Variants in GRIA3 observed in about 807,000 individuals in gnomAD.
The protein encoded by GRIA3 is glutamate ionotropic receptor AMPA type subunit 3.
In GRIA3, 3 loss-of-function variants were observed where a neutral mutation model predicts 63.0. The observed-to-expected ratio is 0.05, with a 90% CI of 0.02 to 0.12. The LOEUF (loss-of-function observed/expected upper bound fraction) is 0.12, where lower values mean the gene tolerates loss of function less well. Among genes scored for constraint, GRIA3 ranks in the 10% least tolerant of loss-of-function variants. GRIA3 has a pLI of 1.00. For missense variants in GRIA3, 347 were observed against 700.9 expected (o/e 0.50, Z 5.70); for synonymous variants, 274 against 257.9 (o/e 1.06, Z -0.60).
intron 3 of GRIA3, among the ~76,000 whole-genome samples, chrX:123,294,899 A>G (rs1189701355): frequency 8.9e-6 from 1 of 111,900 alleles, no homozygotes; most frequent in Admixed American, 9.5e-5. Context: ...TGCAGAAGGA[A>G]CTATGTATAT....
At chrX:123,209,558 GC>G (rs764065473) in intron 2 of GRIA3, among the ~76,000 whole-genome samples, 2 of 111,736 alleles carry the variant, frequency 1.8e-5, no homozygotes, top group African/African-American at 6.5e-5. Context: ...CAACTGAAAT[GC>G]CCACCTAAAC....
rs771993403 is a variant in GRIA3 at position 123,204,423 on chromosome X, G to A, written c.268+18433G>A. 12 of 1,160,288 alleles carry A rather than the reference G, an allele frequency of 1.0e-5. No homozygotes were observed. In the Admixed American group the frequency reaches 2.6e-4, roughly 25 times the overall value. ...AGGCGTTACAGGTGAACTGTAAGAT[G>A]AGAACAAGATCACAAGTCAGCACTA... On this transcript the variant is annotated intron_variant, in intron 2 of 15. Coordinates refer to ENST00000620443, the MANE Select transcript of GRIA3 (RefSeq NM_007325.5).
intron 3 of GRIA3, among the ~76,000 whole-genome samples, chrX:123,307,778 T>A (rs1033971202): frequency 9.0e-6 from 1 of 111,080 alleles, no homozygotes; most frequent in African/African-American, 3.3e-5. Flanking sequence ...GTAGTCTCGG[T>A]GCCAAGAATT....
At chrX:123,195,042 C>A (rs1250228765) in intron 2 of GRIA3, among the ~76,000 whole-genome samples, 2 of 113,081 alleles carry the variant, frequency 1.8e-5, no homozygotes, top group Non-Finnish European at 3.7e-5. Context: ...AATGCTTCTT[C>A]CTTTCTTTGC....
intron 12 of GRIA3, among the ~76,000 whole-genome samples, chrX:123,452,421 GCTT>G (rs1232870535): frequency 9.1e-6 from 1 of 109,330 alleles, no homozygotes; most frequent in Non-Finnish European, 1.9e-5. Context: ...CAAGCAAATT[GCTT>G]CTTCTTTTCT....
intron 3 of GRIA3, among the ~76,000 whole-genome samples, chrX:123,309,417 G>A (rs769510679): frequency 7.3e-5 from 8 of 109,945 alleles, no homozygotes; most frequent in Non-Finnish European, 1.3e-4. Context: ...CTTGTTTCTC[G>A]TTTCTCTCTA....
chrX:123,267,372 C>T (rs747195795), intron 3 of GRIA3, among the ~76,000 whole-genome samples: 1 of 111,853 alleles, frequency 8.9e-6, no homozygotes, highest in East Asian at 2.8e-4. Context: ...TATCTTGGTT[C>T]TGGGAACCTT....
chrX:123,315,667 C>T (rs942822252), intron 3 of GRIA3, among the ~76,000 whole-genome samples: 6 of 111,950 alleles, frequency 5.4e-5, no homozygotes, highest in African/African-American at 1.9e-4. Context: ...AGCTCATCAT[C>T]TTTCTCTTTC....
intron 12 of GRIA3, among the ~76,000 whole-genome samples, chrX:123,432,664 A>G (rs2045624569): frequency 9.0e-6 from 1 of 111,649 alleles, no homozygotes; most frequent in South Asian, 3.7e-4. Context: ...GAAAAATCCC[A>G]GAGAGATGTT....
chrX:123,358,390 A>C (rs1287478068), intron 5 of GRIA3: 1 of 112,245 alleles, frequency 8.9e-6, no homozygotes, highest in Non-Finnish European at 1.9e-5. Context: ...ATCTTTGTAC[A>C]TTTACATGGA....
intron 5 of GRIA3, among the ~76,000 whole-genome samples, chrX:123,361,858 T>C (rs1033685945): frequency 3.1e-4 from 34 of 110,718 alleles, no homozygotes; most frequent in African/African-American, 9.9e-4. Flanking sequence ...AACCAGTTTT[T>C]CCCCCCAAGA....
intron 3 of GRIA3, among the ~76,000 whole-genome samples, chrX:123,268,129 T>C (rs2044498825): frequency 9.0e-6 from 1 of 111,621 alleles, no homozygotes; most frequent in Admixed American, 9.5e-5. Context: ...CATCATAAGC[T>C]TAGTATTTTT....
At chrX:123,368,571 A>G (rs891745263) in intron 5 of GRIA3, among the ~76,000 whole-genome samples, 1 of 111,184 alleles carries the variant, frequency 9.0e-6, no homozygotes, top group Admixed American at 9.6e-5. Flanking sequence ...ATGGGGAACC[A>G]GGAGGCAATA....
At chrX:123,475,354 C>A (rs777679395) in intron 13 of GRIA3, among the ~76,000 whole-genome samples, 7 of 112,219 alleles carry the variant, frequency 6.2e-5, no homozygotes, top group African/African-American at 2.3e-4. Context: ...CAAATCATGT[C>A]ACTTGAAGAT....
At chrX:123,317,238 C>T (rs1395257559) in intron 3 of GRIA3, among the ~76,000 whole-genome samples, 3 of 111,234 alleles carry the variant, frequency 2.7e-5, no homozygotes, top group Non-Finnish European at 3.8e-5. Flanking sequence ...CTAGGAGATA[C>T]AATTTAAGTT....
In GRIA3 at chrX:123,483,015, G is replaced by A. The variant is rs2045919503; in HGVS notation, c.2656G>A (p.Val886Met). 3 of 1,204,005 alleles carry A rather than the reference G, an allele frequency of 2.5e-6. No homozygotes were observed. Among genetic ancestry groups the A allele is most frequent in the African/African-American group, 1.7e-5 (1 of 57,630 alleles). ...NYATYREGYN[V>M]YGTESVKI ...TGCTACATACAGAGAAGGCTACAACGTGTATGGAACAGAGAGTGTTAAGAT... is the reference window on the plus strand; with the variant it reads ...TGCTACATACAGAGAAGGCTACAACATGTATGGAACAGAGAGTGTTAAGAT... The change falls in exon 15 of 16, where the codon GTG becomes ATG. Residue 886 changes from valine to methionine, a missense_variant. Physicochemically the swap from Val to Met is conservative, Grantham distance 21. Around this residue, in one of 8 missense-constraint regions of GRIA3, gnomAD observed 29 missense variants for 46.7 expected, o/e 0.62. Transcript: ENST00000620443.
intron 5 of GRIA3, among the ~76,000 whole-genome samples, chrX:123,394,328 C>T (rs2045401926): frequency 9.0e-6 from 1 of 110,959 alleles, no homozygotes; most frequent in Admixed American, 9.5e-5. Flanking sequence ...GATCACACCA[C>T]TGCACTCCAG....
chrX:123,328,269 G>A (rs964719175), intron 4 of GRIA3, among the ~76,000 whole-genome samples: 12 of 111,530 alleles, frequency 1.1e-4, no homozygotes, highest in Non-Finnish European at 1.5e-4. Context: ...TTTAAAAAGC[G>A]TAAAATGCTA....
intron 12 of GRIA3, among the ~76,000 whole-genome samples, chrX:123,455,206 T>A (rs113362826): frequency 1.1e-3 from 121 of 111,906 alleles, no homozygotes; most frequent in African/African-American, 3.8e-3. Context: ...AGAATTTCTT[T>A]CCCTTCCTTT....
Sources: gnomAD v4.1 joint callset for allele counts (sites outside exome capture counted in the v4.1 genomes callset) on GRCh38, gnomAD v4.1.1 for gene constraint, gnomAD v4.1.1 regional missense constraint, MANE v1.5 for transcripts, NCBI Gene and HGNC (gene_info 2026-07-23, HGNC 2026-07-21) for gene names.